The following GGT1 variants were observed in gnomAD, a reference collection of about 807,000 sequenced individuals.
The protein encoded by GGT1 is gamma-glutamyltransferase 1.
Under a neutral mutation model 56.0 loss-of-function variants are expected in GGT1, and 21 were observed. The ratio of observed to expected loss-of-function variants is 0.38; its 90% CI spans 0.27 to 0.54. The LOEUF is 0.54. GGT1 is among the 20% of genes least tolerant of loss of function. GGT1 has a pLI of 0.82. For missense variants in GGT1, 466 were observed against 787.0 expected, an observed-to-expected ratio of 0.59 and a Z score of 4.88; for synonymous variants, 238 against 342.6, an observed-to-expected ratio of 0.69 and a Z score of 3.37.
At chr22:24,592,322 T>TG (rs1468769500), upstream of GGT1, 3 of 470,116 alleles carry the variant, frequency 6.4e-6, no homozygotes, top group African/African-American at 2.0e-5. Context: ...GAACTGGTGA[T>TG]GCATGGATGG....
chr22:24,595,363 G>C (rs1290243121), intron 1 of GGT1, among the ~76,000 whole-genome samples: 1 of 152,190 alleles, frequency 6.6e-6, no homozygotes, highest in Non-Finnish European at 1.5e-5. Context: ...CTCCCCTCAG[G>C]CATGGGGGCA....
upstream of GGT1, among the ~76,000 whole-genome samples, chr22:24,600,379 A>C (rs2045763560): frequency 1.3e-5 from 2 of 152,204 alleles, no homozygotes; most frequent in Non-Finnish European, 2.9e-5. Context: ...GGTTGAGTTT[A>C]AACCCAGGGA....
At chr22:24,588,144 G>T in the GGT1 span, 2 of 1,190,942 alleles carry the variant, frequency 1.7e-6, no homozygotes, top group Non-Finnish European at 2.5e-6. Flanking sequence ...CTTGGTGAGA[G>T]TGCAGGTGTC....
intron 1 of GGT1, among the ~76,000 whole-genome samples, chr22:24,604,197 G>T (rs1208952316): frequency 6.6e-6 from 1 of 151,842 alleles, no homozygotes; most frequent in Non-Finnish European, 1.5e-5. Flanking sequence ...GGCAGGGTAA[G>T]GGGTGGGTGG....
the GGT1 span, chr22:24,589,413 C>A: frequency 1.9e-6 from 2 of 1,040,150 alleles, no homozygotes; most frequent in Non-Finnish European, 2.4e-6. Context: ...GACGGGGGCT[C>A]TAGCCGAGAG....
At chr22:24,586,596 A>G in the GGT1 span, among the ~76,000 whole-genome samples, 1 of 152,262 alleles carries the variant, frequency 6.6e-6, no homozygotes. Flanking sequence ...CAGTGGCACA[A>G]TCTCGGCTTA....
At chr22:24,623,755 C>A in intron 10 of GGT1, 25 bp from the exon 11 acceptor site, 2 of 1,610,888 alleles carry the variant, frequency 1.2e-6, no homozygotes. Context: ...GGCTCAGCAA[C>A]ATGCACCTGG....
intron 5 of GGT1, among the ~76,000 whole-genome samples, chr22:24,614,091 C>A (rs1010793016): frequency 4.6e-5 from 7 of 151,998 alleles, no homozygotes; most frequent in Non-Finnish European, 7.4e-5. Context: ...CCTGTAATAC[C>A]AGCACTTTGG....
rs1213197992 is a variant in GGT1, at chr22:24,627,502, A to G, written c.1091A>G (p.His364Arg). The change falls in exon 12 of 16, where the codon CAC becomes CGC. Residue 364 changes from histidine to arginine, a missense_variant. Transcript: ENST00000400382. Reference protein sequence around the residue: ...LRAQISDDTTHPISYYKPEFY... With the variant: ...LRAQISDDTTRPISYYKPEFY... ...GCCCAGATCTCTGACGACACCACTC[A>G]CCCGATCTCCTACTACAAGCCCGAG... 5 of 1,558,292 alleles carry G rather than the reference A, an allele frequency of 3.2e-6. No homozygotes were observed. The highest frequency in any genetic ancestry group is 2.3e-5 in the East Asian group (1 of 43,282).
intron 7 of GGT1, among the ~76,000 whole-genome samples, chr22:24,615,515 G>C (rs185015030): frequency 0.01 from 1,586 of 152,280 alleles, 18 homozygotes; most frequent in Non-Finnish European, 0.014. Flanking sequence ...ATTTTACAGG[G>C]TGGGGATGCT....
At chr22:24,592,005 T>G (rs143275912), upstream of GGT1, among the ~76,000 whole-genome samples, 1,164 of 152,328 alleles carry the variant, frequency 7.6e-3, 10 homozygotes, top group African/African-American at 0.024. Flanking sequence ...GGGTGACCAC[T>G]TCGCTCCATG....
At chr22:24,589,125 G>A in the GGT1 span, 40 of 1,128,676 alleles carry the variant, frequency 3.5e-5, no homozygotes, top group Non-Finnish European at 4.2e-5. Flanking sequence ...AGGGCCCAGA[G>A]CGGATACCCT....
chr22:24,625,702 C>T (rs1470204218), intron 11 of GGT1, among the ~76,000 whole-genome samples: 2 of 151,956 alleles, frequency 1.3e-5, no homozygotes, highest in Non-Finnish European at 1.5e-5. Flanking sequence ...CCACACCGCC[C>T]AGCTAATTTT....
intron 7 of GGT1, among the ~76,000 whole-genome samples, chr22:24,619,882 C>T (rs2047305701): frequency 6.6e-6 from 1 of 150,910 alleles, no homozygotes; most frequent in South Asian, 2.1e-4. Context: ...CACAGACAGA[C>T]ACCTCATCCT....
chr22:24,594,519 G>A (rs972389883), upstream of GGT1, among the ~76,000 whole-genome samples: 4 of 151,842 alleles, frequency 2.6e-5, no homozygotes, highest in Non-Finnish European at 4.4e-5. Context: ...AGGGTGCTAG[G>A]CTCTGTCATC....
chr22:24,592,879 A>G, upstream of GGT1: 1 of 1,282,984 alleles, frequency 7.8e-7, no homozygotes, highest in African/African-American at 1.6e-5. Flanking sequence ...CAGGAGGCGC[A>G]GCAGCTGCCG....
At chr22:24,614,274 A>T (rs1195569045) in intron 5 of GGT1, among the ~76,000 whole-genome samples, 15 of 146,200 alleles carry the variant, frequency 1.0e-4, no homozygotes, top group African/African-American at 3.8e-4. Context: ...AATTGAGCCC[A>T]GGAGACTGAG....
At chr22:24,612,364 A>G (rs2046767296) in intron 5 of GGT1, among the ~76,000 whole-genome samples, 1 of 146,328 alleles carries the variant, frequency 6.8e-6, no homozygotes, top group African/African-American at 2.6e-5. Flanking sequence ...CAGGTTTGTT[A>G]CATATGTACA....
At chr22:24,589,266 C>T in the GGT1 span, 1 of 1,261,606 alleles carries the variant, frequency 7.9e-7, no homozygotes, top group Non-Finnish European at 1.0e-6. Flanking sequence ...TTCTGGGCAG[C>T]TGTGGGGTGG....
Sources: gnomAD v4.1 joint callset for allele counts (sites outside exome capture counted in the v4.1 genomes callset) on GRCh38, gnomAD v4.1.1 for gene constraint, MANE v1.5 for transcripts, NCBI Gene and HGNC (gene_info 2026-07-23, HGNC 2026-07-21) for gene names.